Variants in SLCO1C1 observed in about 807,000 individuals in gnomAD.
The protein encoded by SLCO1C1 is solute carrier organic anion transporter family member 1C1.
In SLCO1C1, 70 loss-of-function variants were observed where a neutral mutation model predicts 76.4. That is an observed-to-expected ratio of 0.92 (90% confidence interval 0.76 to 1.12). The LOEUF (loss-of-function observed/expected upper bound fraction) is 1.12, where lower values mean the gene tolerates loss of function less well. Among genes scored for constraint, SLCO1C1 ranks in the 50% most tolerant of loss-of-function variants. The probability of loss-of-function intolerance (pLI) is 0.00; values close to 1 mark genes in which losing one functional copy is unlikely to be tolerated. For missense variants in SLCO1C1, 912 were observed against 823.8 expected (o/e 1.11, Z -1.31); for synonymous variants, 306 against 286.1 (o/e 1.07, Z -0.70).
At chr12:20,743,417 T>C (rs765859126) in intron 13 of SLCO1C1, 48 bp downstream of exon 13, 1 of 1,435,304 alleles carries the variant, frequency 7.0e-7, no homozygotes, top group Non-Finnish European at 9.7e-7. Flanking sequence ...GTAAGTGTAT[T>C]TTGAAGACTT....
intron 12 of SLCO1C1, 85 bp downstream of exon 12, chr12:20,740,453 A>C (rs778213855): frequency 1.9e-5 from 23 of 1,231,212 alleles, no homozygotes; most frequent in Admixed American, 2.5e-5. Flanking sequence ...TGTGGAGTCT[A>C]TGATTCCTCT....
At chr12:20,736,014 T>G (rs918463865) in intron 10 of SLCO1C1, among the ~76,000 whole-genome samples, 1 of 151,960 alleles carries the variant, frequency 6.6e-6, no homozygotes, top group East Asian at 1.9e-4. Flanking sequence ...ATATGAGGAA[T>G]AAGCAAATAA....
intron 7 of SLCO1C1, among the ~76,000 whole-genome samples, chr12:20,717,653 T>C: frequency 1.5e-5 from 1 of 67,826 alleles, no homozygotes; most frequent in African/African-American, 9.6e-5. Flanking sequence ...CCCTTCTTTT[T>C]TTTTTTTTTT....
chr12:20,722,255 C>A (rs943769122), intron 8 of SLCO1C1, among the ~76,000 whole-genome samples: 1 of 152,258 alleles, frequency 6.6e-6, no homozygotes, highest in Non-Finnish European at 1.5e-5. Flanking sequence ...GCCATTCCTG[C>A]TGATGTCTCC....
intron 10 of SLCO1C1, among the ~76,000 whole-genome samples, 165 bp downstream of exon 10, chr12:20,733,269 A>G (rs1364490705): frequency 2.0e-5 from 3 of 152,212 alleles, no homozygotes; most frequent in African/African-American, 7.2e-5. Flanking sequence ...TGTTATTGTC[A>G]CCAAAATTTA....
rs750737440 is a variant in SLCO1C1 at position 20,723,244 on chromosome 12, C to CT, written c.1179dup (p.Val394CysfsTer55). ...ATGGACAGTCATCCTCCAGGGCCAA[C>CT]TTTGTGATCGGTATGCTCATCTGCC... On this transcript the variant is annotated frameshift_variant, in exon 9 of 15. Transcript: ENST00000266509. LOFTEE classifies it high-confidence loss of function. The CT allele has an allele frequency of 6.2e-7, 1 of 1,613,708 alleles. No homozygotes were observed. The highest frequency in any genetic ancestry group is 1.7e-5 in the Admixed American group (1 of 59,926).
chr12:20,695,884 G>C (rs1316280352), intron 1 of SLCO1C1, 77 bp downstream of exon 1: 3 of 151,946 alleles, frequency 2.0e-5, no homozygotes, highest in Non-Finnish European at 4.4e-5. Flanking sequence ...CTTAATTTCT[G>C]TGCGATTTAT....
chr12:20,710,138 A>C (rs959170409), intron 4 of SLCO1C1, among the ~76,000 whole-genome samples: 2 of 151,392 alleles, frequency 1.3e-5, no homozygotes, highest in African/African-American at 4.9e-5. Context: ...TATCAACTTG[A>C]ATATTTCAGT....
intron 13 of SLCO1C1, among the ~76,000 whole-genome samples, chr12:20,746,289 G>T (rs1410670155): frequency 6.6e-6 from 1 of 151,952 alleles, no homozygotes; most frequent in East Asian, 1.9e-4. Context: ...AGTTTATAAT[G>T]ATACTTTAAA....
intron 4 of SLCO1C1, among the ~76,000 whole-genome samples, chr12:20,710,223 T>TTTC (rs1555122286): frequency 5.2e-5 from 7 of 133,846 alleles, no homozygotes; most frequent in South Asian, 2.4e-4. Context: ...TTTTTTTTTT[T>TTTC]TTGAGATGGA....
At position 20,732,995 on chromosome 12, in the gene SLCO1C1, G is replaced by T; in HGVS notation, c.1273G>T (p.Ala425Ser). ...ATTCAGAATCAGTGTGTGTGGAGCT[G>T]CAAAACTCTACTTGGGATCATCTGT... is the stretch of plus-strand genomic sequence containing the variant. ...KKFRISVCGA[A>S]KLYLGSSVFG... The change falls in exon 10 of 15, where the codon GCA (alanine) becomes TCA (serine). Residue 425 changes from alanine (A) to serine (S), a missense_variant. Coordinates refer to ENST00000266509, the MANE Select transcript of SLCO1C1 (RefSeq NM_017435.5). 6.2e-7 allele frequency: 1 copy of T among 1,613,794 alleles called. No individual in the cohort carries two copies. The highest frequency in any genetic ancestry group is 1.1e-5 in the South Asian group (1 of 91,032).
At chr12:20,698,511 G>A (rs1015227508) in intron 1 of SLCO1C1, among the ~76,000 whole-genome samples, 2 of 151,976 alleles carry the variant, frequency 1.3e-5, no homozygotes, top group South Asian at 2.1e-4. Context: ...GTTTGAGAAA[G>A]TATGAATTGA....
In SLCO1C1 at chr12:20,709,887, CAAAAAAAAAAAAAAAAAAAAAAA is replaced by C. The variant is rs996552819; in HGVS notation, c.405-1483_405-1461del. Among the ~76,000 whole-genome samples, 2 of 2,024 alleles carry C rather than the reference CAAAAAAAAAAAAAAAAAAAAAAA, an allele frequency of 9.9e-4. 1 individual carries two copies. Among genetic ancestry groups the C allele is most frequent in the Non-Finnish European group, 3.1e-3 (2 of 640 alleles). The allele number at this position is 2,024 out of a possible 152,430, so 1.3% of individuals were successfully genotyped here. On this transcript the variant is annotated intron_variant, in intron 4 of 14. Transcript: ENST00000266509. ...TGGGCGACAGAGCGAGACTCCGTCT[CAAAAAAAAAAAAAAAAAAAAAAA>C]AAAAAAAAAAAAAAAGAATTGAAAA... is the stretch of plus-strand genomic sequence containing the variant.
rs1946424889 is a variant in SLCO1C1 at position 20,699,642 on chromosome 12, G to T, written c.66G>T (p.Arg22Ser). 9.3e-6 allele frequency: 15 copies of T among 1,612,308 alleles called. No homozygotes were observed. In the East Asian group the frequency reaches 3.3e-4, roughly 36 times the overall value. The change falls in exon 2 of 15, where the codon AGG becomes AGT. Residue 22 changes from arginine (R) to serine (S), a missense_variant. By Grantham distance (110) the Arg-to-Ser change is moderately radical. Transcript: ENST00000266509. ...AAACTTCAGTGCAACCTGTTGGAAG[G>T]CCTTCTTTTAAAACAGAATATCCCT... is the stretch of plus-strand genomic sequence containing the variant. ...FCKTSVQPVG[R>S]PSFKTEYPSS...
rs1362339095 is a variant in SLCO1C1, at chr12:20,732,048, G to A, written c.1187-861G>A. Among the ~76,000 whole-genome samples, 9 of 152,170 alleles carry A rather than the reference G, an allele frequency of 5.9e-5. 1 individual carries two copies. Among genetic ancestry groups the A allele is most frequent in the African/African-American group, 2.2e-4 (9 of 41,440 alleles). ...ACTGAGATCTAAACCCAGGCAAGCTGGGTCTCCAGAGTCTAAGCTCTTAAC... is the reference window on the plus strand; with the variant it reads ...ACTGAGATCTAAACCCAGGCAAGCTAGGTCTCCAGAGTCTAAGCTCTTAAC... On this transcript the variant is annotated intron_variant, in intron 9 of 14. Coordinates refer to ENST00000266509, the MANE Select transcript of SLCO1C1 (RefSeq NM_017435.5).
At chr12:20,751,193 A>T (rs955733929) in intron 14 of SLCO1C1, among the ~76,000 whole-genome samples, 1 of 151,996 alleles carries the variant, frequency 6.6e-6, no homozygotes, top group Non-Finnish European at 1.5e-5. Flanking sequence ...CAGATATAAT[A>T]CCCCTGGGCA....
intron 10 of SLCO1C1, 102 bp from the exon 11 acceptor site, chr12:20,737,005 T>C: frequency 9.6e-7 from 1 of 1,039,974 alleles, no homozygotes. Flanking sequence ...GCAAATTTTG[T>C]TCATAGTATC....
chr12:20,726,136 T>C (rs1298469070), intron 9 of SLCO1C1, among the ~76,000 whole-genome samples: 1 of 151,938 alleles, frequency 6.6e-6, no homozygotes, highest in Non-Finnish European at 1.5e-5. Flanking sequence ...TATCACTAGG[T>C]TGAAATAAAG....
At chr12:20,705,598 AAAT>A (rs1056982138) in intron 3 of SLCO1C1, among the ~76,000 whole-genome samples, 5 of 151,588 alleles carry the variant, frequency 3.3e-5, no homozygotes, top group Middle Eastern at 3.4e-3. Flanking sequence ...AATAAAGAAA[AAAT>A]AAGAAGTTTA....
Sources: gnomAD v4.1 joint callset for allele counts (sites outside exome capture counted in the v4.1 genomes callset) on GRCh38, gnomAD v4.1.1 for gene constraint, MANE v1.5 for transcripts, NCBI Gene and HGNC (gene_info 2026-07-23, HGNC 2026-07-21) for gene names.